TBC1D22A: variants seen among roughly 807,000 people sequenced by gnomAD.
The protein encoded by TBC1D22A is putative GTPase activator.
In TBC1D22A, 38 loss-of-function variants were observed where a neutral mutation model predicts 60.2. The observed-to-expected ratio is 0.63, with a 90% CI of 0.49 to 0.83. The LOEUF (loss-of-function observed/expected upper bound fraction) is 0.83. TBC1D22A is among the 40% of genes least tolerant of loss of function. TBC1D22A has a pLI of 0.00. For missense variants in TBC1D22A, 628 were observed against 701.0 expected, an observed-to-expected ratio of 0.90 and a Z score of 1.18; for synonymous variants, 302 against 281.7, an observed-to-expected ratio of 1.07 and a Z score of -0.72.
intron 5 of TBC1D22A, among the ~76,000 whole-genome samples, chr22:46,887,181 T>C (rs1489130228): frequency 6.6e-6 from 1 of 152,182 alleles, no homozygotes; most frequent in East Asian, 1.9e-4. Flanking sequence ...GACTCAAACA[T>C]CTGTACTCAT....
intron 12 of TBC1D22A, among the ~76,000 whole-genome samples, chr22:47,120,638 C>T (rs146251890): frequency 8.5e-4 from 130 of 152,314 alleles, no homozygotes; most frequent in African/African-American, 2.7e-3. Flanking sequence ...CCTTTGCCTA[C>T]GTCAGGACCC....
At chr22:47,040,954 G>A (rs551914285) in intron 11 of TBC1D22A, among the ~76,000 whole-genome samples, 45 of 152,238 alleles carry the variant, frequency 3.0e-4, no homozygotes, top group Non-Finnish European at 3.4e-4. Flanking sequence ...CAGGGCTGCG[G>A]GTACACCTGA....
At chr22:46,840,788 G>T (rs944237425) in intron 4 of TBC1D22A, among the ~76,000 whole-genome samples, 4 of 151,990 alleles carry the variant, frequency 2.6e-5, no homozygotes, top group African/African-American at 9.7e-5. Context: ...TGTAGAAAGG[G>T]GAACCTTTTT....
intron 10 of TBC1D22A, among the ~76,000 whole-genome samples, chr22:47,013,022 GAGAGGGCT>G (rs1352479121): frequency 2.6e-5 from 4 of 152,318 alleles, no homozygotes; most frequent in Admixed American, 2.6e-4. Flanking sequence ...GGTGGACCGG[GAGAGGGCT>G]CCCTGCATCT....
At chr22:46,925,622 T>C (rs2071005813) in intron 8 of TBC1D22A, among the ~76,000 whole-genome samples, 2 of 152,258 alleles carry the variant, frequency 1.3e-5, no homozygotes, top group South Asian at 4.1e-4. Flanking sequence ...TTCTTTTCCA[T>C]AGTAGCTATT....
At chr22:46,797,319 C>T (rs1167471348) in intron 3 of TBC1D22A, 125 bp from the exon 4 acceptor site, 4 of 1,018,996 alleles carry the variant, frequency 3.9e-6, no homozygotes, top group Non-Finnish European at 5.9e-6. Flanking sequence ...AACCAAGGTC[C>T]CCACTGCTGA....
chr22:46,785,882 G>T (rs2084139236), intron 1 of TBC1D22A, among the ~76,000 whole-genome samples: 2 of 152,234 alleles, frequency 1.3e-5, no homozygotes, highest in African/African-American at 4.8e-5. Flanking sequence ...CTGGGCTCAA[G>T]TGATTCTCCT....
Position 47,170,516 on chromosome 22 carries a change from C to T in TBC1D22A, c.1426-2982C>T, listed in dbSNP as rs553145347. ...GCTCCCTGAATTCAATTTAAAGGCC[C>T]ACTGAAAGTATCCAAAATGCGAAAG... On this transcript the variant is annotated intron_variant, in intron 12 of 12. Transcript: ENST00000337137. Among the ~76,000 whole-genome samples, 130 of 152,310 alleles carry T rather than the reference C, an allele frequency of 8.5e-4. 1 individual carries two copies. Among genetic ancestry groups the T allele is most frequent in the African/African-American group, 2.7e-3 (114 of 41,578 alleles).
At chr22:46,925,863 A>G (rs1194209306) in intron 8 of TBC1D22A, among the ~76,000 whole-genome samples, 6 of 152,200 alleles carry the variant, frequency 3.9e-5, no homozygotes, top group Non-Finnish European at 7.3e-5. Flanking sequence ...AGCAGGATAC[A>G]TGTTCCTCTC....
chr22:47,032,783 A>G (rs1005320455), intron 10 of TBC1D22A, among the ~76,000 whole-genome samples: 7 of 152,212 alleles, frequency 4.6e-5, no homozygotes. Flanking sequence ...CATTCACGCC[A>G]GTGCAAGGCG....
intron 9 of TBC1D22A, among the ~76,000 whole-genome samples, chr22:46,994,014 A>G (rs906052529): frequency 2.6e-4 from 39 of 152,354 alleles, no homozygotes; most frequent in African/African-American, 8.9e-4. Flanking sequence ...GCCTGAAGCC[A>G]GAATGCCGAG....
intron 9 of TBC1D22A, among the ~76,000 whole-genome samples, chr22:46,980,925 G>A (rs1004047923): frequency 1.3e-5 from 2 of 152,166 alleles, no homozygotes; most frequent in African/African-American, 4.8e-5. Context: ...ATGTTCTGAA[G>A]AAAAATAGCT....
At chr22:47,051,070 T>G (rs1181739836) in intron 11 of TBC1D22A, among the ~76,000 whole-genome samples, 1 of 152,150 alleles carries the variant, frequency 6.6e-6, no homozygotes, top group East Asian at 1.9e-4. Flanking sequence ...CTTCCGTGGG[T>G]TCTGCCCTGT....
intron 12 of TBC1D22A, among the ~76,000 whole-genome samples, chr22:47,140,428 G>A (rs553198351): frequency 9.5e-4 from 144 of 151,998 alleles, no homozygotes; most frequent in Middle Eastern, 3.4e-3. Flanking sequence ...GTGTGGTGGC[G>A]GGCACCTGTA....
At chr22:47,128,786 C>T (rs769257179) in intron 12 of TBC1D22A, among the ~76,000 whole-genome samples, 2 of 152,176 alleles carry the variant, frequency 1.3e-5, no homozygotes, top group East Asian at 1.9e-4. Context: ...CGGGCAAGCA[C>T]CTGGCGACGG....
intron 1 of TBC1D22A, among the ~76,000 whole-genome samples, chr22:46,766,543 T>A (rs559037217): frequency 9.5e-4 from 145 of 152,108 alleles, no homozygotes; most frequent in Non-Finnish European, 1.4e-3. Context: ...GTTCAACTCT[T>A]TTTTATTTTT....
At chr22:46,934,767 G>A (rs2071550211) in intron 8 of TBC1D22A, among the ~76,000 whole-genome samples, 1 of 151,170 alleles carries the variant, frequency 6.6e-6, no homozygotes, top group Non-Finnish European at 1.5e-5. Context: ...CCCGCTCAGC[G>A]TTGCCTCGAG....
rs182692099 is a variant in TBC1D22A, at chr22:46,944,027, A to G, written c.1016-30263A>G. On this transcript the variant is annotated intron_variant, in intron 8 of 12. Transcript: ENST00000337137. ...GCTGTAAGCATTTAGTATAGTTTCT[A>G]TGTGGGCATGATTTTATTTCTCTTG... 6.6e-5 allele frequency among the ~76,000 whole-genome samples: 10 copies of G among 152,288 alleles called. No homozygotes were observed. In the East Asian group the frequency reaches 1.5e-3, roughly 24 times the overall value.
intron 8 of TBC1D22A, among the ~76,000 whole-genome samples, chr22:46,935,262 C>T (rs191594261): frequency 5.9e-5 from 9 of 152,302 alleles, no homozygotes; most frequent in South Asian, 4.1e-4. Flanking sequence ...AGGGCTGGGA[C>T]GAAGCCCCTG....
Sources: allele counts gnomAD v4.1 joint callset (sites outside exome capture counted in the v4.1 genomes callset), GRCh38; gene constraint gnomAD v4.1.1; transcripts MANE v1.5; gene names NCBI Gene and HGNC (gene_info 2026-07-23, HGNC 2026-07-21).